Variants in EVC2 observed in about 807,000 individuals in gnomAD.
EVC2 encodes limbin.
Under a neutral mutation model 149.3 loss-of-function variants are expected in EVC2, and 148 were observed. The ratio of observed to expected loss-of-function variants is 0.99; its 90% CI spans 0.87 to 1.14. EVC2 has a LOEUF of 1.14. Ranked by LOEUF, EVC2 falls within the 50% of genes most tolerant of loss-of-function variation. The pLI is 0.00. For synonymous variants in EVC2, 776 were observed against 649.9 expected, an observed-to-expected ratio of 1.19 and a Z score of -2.95; for missense variants, 1,854 against 1,627.3, an observed-to-expected ratio of 1.14 and a Z score of -2.40.
At position 5,599,448 on chromosome 4, in the gene EVC2, A is replaced by G. The variant is rs371662529; in HGVS notation, c.2830-14598T>C. On this transcript the variant is annotated intron_variant, in intron 16 of 21. Transcript: ENST00000344408. ...GACATGGATGAAATTGGAAATCATC[A>G]TTCTCAGTAAACTATCGCAAGAACA... 3.3e-5 allele frequency among the ~76,000 whole-genome samples: 5 copies of G among 152,330 alleles called. No homozygotes were observed. The East Asian group carries it at 7.7e-4, about 23-fold the overall frequency.
In EVC2 at chr4:5,679,184, T is replaced by G. The variant is rs563894344; in HGVS notation, c.870+2076A>C. ...TGAGTGAATGTGAAGGCGTAGGGTATGACTGTACACGACTATAGACTTTAG... is the reference window on the plus strand; with the variant it reads ...TGAGTGAATGTGAAGGCGTAGGGTAGGACTGTACACGACTATAGACTTTAG... On this transcript the variant is annotated intron_variant, in intron 7 of 21. Transcript: ENST00000344408. This position sits in a 1 kb window ranked among gnomAD's most constrained non-coding sequence, Gnocchi z 5.1. Among the ~76,000 whole-genome samples, 536 of 152,164 alleles carry G rather than the reference T, an allele frequency of 3.5e-3. 1 individual carries two copies. The highest frequency in any genetic ancestry group is 0.012 in the African/African-American group (519 of 41,526).
intron 5 of EVC2, among the ~76,000 whole-genome samples, chr4:5,685,909 G>A (rs552166803): frequency 1.3e-5 from 2 of 152,122 alleles, no homozygotes; most frequent in East Asian, 1.9e-4. Context: ...GATGGAGCCC[G>A]TCTAACTCTG....
At chr4:5,684,270 A>T (rs1720542532) in intron 6 of EVC2, among the ~76,000 whole-genome samples, 1 of 152,000 alleles carries the variant, frequency 6.6e-6, no homozygotes, top group South Asian at 2.1e-4. Context: ...AGCCTCTTTC[A>T]TGTTATCTAA....
At chr4:5,592,063 C>G (rs1215746986) in intron 16 of EVC2, among the ~76,000 whole-genome samples, 4 of 152,164 alleles carry the variant, frequency 2.6e-5, no homozygotes, top group Admixed American at 1.3e-4. Context: ...CACACCTCTC[C>G]TTGCCCAAGT....
intron 13 of EVC2, among the ~76,000 whole-genome samples, chr4:5,623,945 G>A (rs73198158): frequency 0.035 from 5,396 of 152,274 alleles, 266 homozygotes; most frequent in African/African-American, 0.11. Context: ...TTACGCCAAT[G>A]AACATCTGTT....
intron 9 of EVC2, among the ~76,000 whole-genome samples, chr4:5,653,936 G>A (rs570923978): frequency 5.9e-5 from 9 of 152,306 alleles, no homozygotes; most frequent in East Asian, 1.9e-4. Context: ...AAAACAGGCC[G>A]GGCATGGTGG....
chr4:5,667,502 T>C (rs1719358109), intron 7 of EVC2, among the ~76,000 whole-genome samples: 1 of 152,160 alleles, frequency 6.6e-6, no homozygotes, highest in Non-Finnish European at 1.5e-5. Flanking sequence ...CCTTTCTTTT[T>C]CCTTTCATAG....
chr4:5,537,645 C>A, the EVC2 span, among the ~76,000 whole-genome samples: 6 of 152,274 alleles, frequency 3.9e-5, no homozygotes, highest in African/African-American at 1.2e-4. Flanking sequence ...TACTCAGCCC[C>A]CAACAAGTTA....
chr4:5,599,672 G>A (rs981015648), intron 16 of EVC2, among the ~76,000 whole-genome samples: 1 of 152,104 alleles, frequency 6.6e-6, no homozygotes, highest in Non-Finnish European at 1.5e-5. Context: ...GTATACATAT[G>A]TAACTAACCT....
At chr4:5,665,183 A>G (rs562016240) in intron 8 of EVC2, among the ~76,000 whole-genome samples, 1 of 152,194 alleles carries the variant, frequency 6.6e-6, no homozygotes, top group East Asian at 1.9e-4. Context: ...GTTGGTGTGT[A>G]GCTGCAGTCC....
chr4:5,595,133 G>C (rs1045851493), intron 16 of EVC2, among the ~76,000 whole-genome samples: 15 of 152,148 alleles, frequency 9.9e-5, no homozygotes, highest in Admixed American at 9.2e-4. Flanking sequence ...AAACAAGTTG[G>C]AAAACACTCT....
At chr4:5,701,172 T>C (rs1251067183) in intron 1 of EVC2, among the ~76,000 whole-genome samples, 2 of 152,194 alleles carry the variant, frequency 1.3e-5, no homozygotes, top group African/African-American at 2.4e-5. Flanking sequence ...CCTTCTCACG[T>C]TGCATCTCTC....
Position 5,688,327 on chromosome 4 carries a change from G to A in EVC2, c.706+830C>T, listed in dbSNP as rs1560227147. Among the ~76,000 whole-genome samples, 8 of 152,132 alleles carry A rather than the reference G, an allele frequency of 5.3e-5. No homozygotes were observed. In the South Asian group the frequency reaches 1.7e-3, roughly 32 times the overall value. On this transcript the variant is annotated intron_variant, in intron 5 of 21. Transcript: ENST00000344408. ...GAGTCGGTAAGAGTTCCAGGCGTGTGAGAAGCATGACGGTTTAAAGGTTAC... is the reference window on the plus strand; with the variant it reads ...GAGTCGGTAAGAGTTCCAGGCGTGTAAGAAGCATGACGGTTTAAAGGTTAC...
At chr4:5,659,540 T>A (rs1288226108) in intron 9 of EVC2, among the ~76,000 whole-genome samples, 1 of 151,966 alleles carries the variant, frequency 6.6e-6, no homozygotes, top group Non-Finnish European at 1.5e-5. Context: ...AAGAGAGGAA[T>A]GAATTTAGCT....
At chr4:5,639,525 G>C (rs761974697) in intron 10 of EVC2, among the ~76,000 whole-genome samples, 1 of 152,232 alleles carries the variant, frequency 6.6e-6, no homozygotes, top group Non-Finnish European at 1.5e-5. Context: ...ATGGGCGCCA[G>C]GCAGCTGCTT....
chr4:5,698,678 T>G (rs1560236863), intron 1 of EVC2, among the ~76,000 whole-genome samples: 1 of 152,204 alleles, frequency 6.6e-6, no homozygotes, highest in African/African-American at 2.4e-5. Flanking sequence ...GTAGTCCCTA[T>G]AGAAATGCAT....
downstream of EVC2, among the ~76,000 whole-genome samples, chr4:5,540,187 G>T (rs1721489490): frequency 6.6e-6 from 1 of 152,198 alleles, no homozygotes; most frequent in Admixed American, 6.5e-5. Flanking sequence ...CCACACTCAA[G>T]GTGTGTGAGA....
chr4:5,574,875 A>G, intron 18 of EVC2, 103 bp from the exon 19 acceptor site: 1 of 1,208,210 alleles, frequency 8.3e-7, no homozygotes. Flanking sequence ...TCTCAGCCAT[A>G]TGATTTTAAA....
At chr4:5,705,378 T>C (rs748109898) in intron 1 of EVC2, among the ~76,000 whole-genome samples, 18 of 152,202 alleles carry the variant, frequency 1.2e-4, no homozygotes, top group Non-Finnish European at 1.5e-4. Context: ...GGGACTCCTT[T>C]ACACATTTTC....
Sources: allele counts gnomAD v4.1 joint callset (sites outside exome capture counted in the v4.1 genomes callset), GRCh38; gene constraint gnomAD v4.1.1; non-coding constraint Gnocchi (gnomAD v3.1); transcripts MANE v1.5; gene names NCBI Gene and HGNC (gene_info 2026-07-23, HGNC 2026-07-21).